SLC44A5: variants seen among roughly 807,000 people sequenced by gnomAD.
SLC44A5 encodes the protein choline transporter-like protein 5.
A neutral mutation model predicts 101.8 loss-of-function variants in SLC44A5; 57 were observed. The observed-to-expected ratio is 0.56, with a 90% confidence interval of 0.45 to 0.70. The LOEUF is 0.70. Among genes scored for constraint, SLC44A5 ranks in the 30% least tolerant of loss-of-function variants. The pLI, the probability that SLC44A5 is intolerant of heterozygous loss-of-function variation, is 0.00. For missense variants in SLC44A5, 737 were observed against 853.1 expected, an observed-to-expected ratio of 0.86 and a Z score of 1.70; for synonymous variants, 281 against 290.9, an observed-to-expected ratio of 0.97 and a Z score of 0.35.
intron 5 of SLC44A5, among the ~76,000 whole-genome samples, chr1:75,289,308 A>T (rs1158914089): frequency 6.6e-6 from 1 of 152,218 alleles, no homozygotes; most frequent in Non-Finnish European, 1.5e-5. Context: ...GCAAATCTCT[A>T]TTAGAGAGTC....
chr1:75,501,229 G>T (rs531809267), intron 2 of SLC44A5, among the ~76,000 whole-genome samples: 1 of 152,162 alleles, frequency 6.6e-6, no homozygotes, highest in East Asian at 1.9e-4. Flanking sequence ...GATTAATAGG[G>T]TCAGGGAGAG....
the SLC44A5 span, among the ~76,000 whole-genome samples, chr1:75,697,682 C>T: frequency 9.9e-5 from 15 of 152,278 alleles, no homozygotes; most frequent in East Asian, 3.9e-4. Flanking sequence ...CTCCAGTCTA[C>T]AGCTCCCAGC....
intron 5 of SLC44A5, among the ~76,000 whole-genome samples, chr1:75,281,286 A>G (rs972935363): frequency 2.6e-5 from 4 of 152,114 alleles, no homozygotes; most frequent in African/African-American, 9.7e-5. Flanking sequence ...AGCAAGGAGA[A>G]TGGCAGCATT....
chr1:75,677,695 T>TA, the SLC44A5 span: 196 of 419,640 alleles, frequency 4.7e-4, no homozygotes, highest in African/African-American at 1.9e-3. Flanking sequence ...ACTAAATGCA[T>TA]AAAAAAAACA....
At chr1:75,475,943 G>C (rs945768843) in intron 2 of SLC44A5, among the ~76,000 whole-genome samples, 3 of 152,202 alleles carry the variant, frequency 2.0e-5, no homozygotes, top group Admixed American at 6.5e-5. Context: ...CCAGCACTTC[G>C]GGAAGCCGAG....
intron 4 of SLC44A5, among the ~76,000 whole-genome samples, chr1:75,321,600 G>A (rs1301241427): frequency 6.6e-6 from 1 of 152,122 alleles, no homozygotes; most frequent in Non-Finnish European, 1.5e-5. Flanking sequence ...GAGGATTGGG[G>A]TTTCAACACG....
chr1:75,422,944 T>C (rs997264253), intron 2 of SLC44A5, among the ~76,000 whole-genome samples: 4 of 152,224 alleles, frequency 2.6e-5, no homozygotes, highest in Non-Finnish European at 4.4e-5. Flanking sequence ...CTTCCTGTTG[T>C]CTTTATGTGC....
the SLC44A5 span, among the ~76,000 whole-genome samples, chr1:75,709,536 G>A: frequency 4.4e-4 from 67 of 152,210 alleles, no homozygotes; most frequent in Non-Finnish European, 7.9e-4. Flanking sequence ...GCTTATTCAG[G>A]TTTTTTCTTT....
At chr1:75,215,690 A>G in intron 19 of SLC44A5, 64 bp downstream of exon 19, 5 of 925,410 alleles carry the variant, frequency 5.4e-6, no homozygotes, top group East Asian at 2.5e-5. Flanking sequence ...AGAGAGGGCA[A>G]TGTAGACACA....
At chr1:75,648,712 C>A in the SLC44A5 span, among the ~76,000 whole-genome samples, 1 of 151,968 alleles carries the variant, frequency 6.6e-6, no homozygotes, top group Non-Finnish European at 1.5e-5. Flanking sequence ...TCACTCTAAA[C>A]CAGGGGTTTT....
At chr1:75,491,156 G>A (rs1319881552) in intron 2 of SLC44A5, among the ~76,000 whole-genome samples, 2 of 152,118 alleles carry the variant, frequency 1.3e-5, no homozygotes, top group Admixed American at 6.6e-5. Context: ...TGAGCTATGA[G>A]GGGAAGTCTC....
intron 4 of SLC44A5, among the ~76,000 whole-genome samples, chr1:75,324,280 A>T (rs1656403534): frequency 6.6e-6 from 1 of 152,204 alleles, no homozygotes; most frequent in South Asian, 2.1e-4. Flanking sequence ...TTCAAAGCAA[A>T]GTGAAGAAAA....
chr1:75,675,139 TC>T, the SLC44A5 span, among the ~76,000 whole-genome samples: 811 of 152,338 alleles, frequency 5.3e-3, 8 homozygotes, highest in African/African-American at 0.019. Context: ...TTTTTTCTAA[TC>T]CTGTGAAGAA....
At chr1:75,687,789 T>C in the SLC44A5 span, among the ~76,000 whole-genome samples, 2 of 152,328 alleles carry the variant, frequency 1.3e-5, no homozygotes, top group Non-Finnish European at 2.9e-5. Context: ...GAATTCCTTC[T>C]TGCAATCGTG....
chr1:75,441,850 G>A (rs1298214182), intron 2 of SLC44A5, among the ~76,000 whole-genome samples: 1 of 152,050 alleles, frequency 6.6e-6, no homozygotes, highest in Non-Finnish European at 1.5e-5. Context: ...ATTTTGACAT[G>A]CTTTAATTAT....
At chr1:75,615,815 G>C (rs1675854693), upstream of SLC44A5, 9 of 973,224 alleles carry the variant, frequency 9.2e-6, no homozygotes, top group South Asian at 3.8e-4. Context: ...GCGGGTGAGA[G>C]AGGGGAGGCG....
At chr1:75,359,367 T>C (rs1182836106) in intron 3 of SLC44A5, among the ~76,000 whole-genome samples, 1 of 151,130 alleles carries the variant, frequency 6.6e-6, no homozygotes, top group Non-Finnish European at 1.5e-5. Context: ...CCCAAGTAGC[T>C]GGAACTACAG....
chr1:75,569,427 A>G (rs781402156), intron 1 of SLC44A5, among the ~76,000 whole-genome samples: 7 of 151,870 alleles, frequency 4.6e-5, no homozygotes, highest in Non-Finnish European at 1.0e-4. Flanking sequence ...TTTTTTGTAG[A>G]GACAAGATTT....
chr1:75,311,697 CAGTTT>C, intron 4 of SLC44A5: 1 of 255,618 alleles, frequency 3.9e-6, no homozygotes, highest in East Asian at 1.8e-4. Flanking sequence ...ACGGAGTTCC[CAGTTT>C]AGTCTGGGGA....
Sources: allele counts gnomAD v4.1 joint callset (sites outside exome capture counted in the v4.1 genomes callset), GRCh38; gene constraint gnomAD v4.1.1; transcripts MANE v1.5; gene names NCBI Gene and HGNC (gene_info 2026-07-23, HGNC 2026-07-21).